ORC1: variants seen among roughly 807,000 people sequenced by gnomAD.
ORC1 encodes origin recognition complex, subunit 1 homolog.
Under a neutral mutation model 98.9 loss-of-function variants are expected in ORC1, and 61 were observed. That is an observed-to-expected ratio of 0.62 (90% confidence interval 0.50 to 0.76). The LOEUF (loss-of-function observed/expected upper bound fraction) is 0.76. Among genes scored for constraint, ORC1 ranks in the 30% least tolerant of loss-of-function variants. The pLI is 0.00. For synonymous variants in ORC1, 385 were observed against 406.9 expected, an observed-to-expected ratio of 0.95 and a Z score of 0.65; for missense variants, 979 against 1,072.2, an observed-to-expected ratio of 0.91 and a Z score of 1.21.
At position 52,393,705 on chromosome 1, in the gene ORC1, G is replaced by A. The variant is rs1180230657; in HGVS notation, c.820C>T (p.Pro274Ser). The A allele has an allele frequency of 2.5e-6, 4 of 1,613,924 alleles. No individual in the cohort carries two copies. Among genetic ancestry groups the A allele is most frequent in the African/African-American group, 2.7e-5 (2 of 74,890 alleles). The change falls in exon 6 of 17, where the codon CCT (proline) becomes TCT (serine). Residue 274 changes from proline to serine, a missense_variant. By Grantham distance (74) the Pro-to-Ser change is moderately conservative. Transcript: ENST00000371568. ...RKVAFSEITS[P>S]SKRSQPDKLQ... Reference sequence around the variant, plus strand: ...TTATCAGGCTGAGATCTCTTAGAAGGTGAGGTGATCTCCGAGAAGGCCACT... The same window carrying A: ...TTATCAGGCTGAGATCTCTTAGAAGATGAGGTGATCTCCGAGAAGGCCACT...
At chr1:52,387,979 G>T (rs925530824) in intron 8 of ORC1, among the ~76,000 whole-genome samples, 1 of 152,182 alleles carries the variant, frequency 6.6e-6, no homozygotes, top group African/African-American at 2.4e-5. Context: ...TCCACAGGAA[G>T]CAGAAAAGAT....
At chr1:52,379,238 G>C (rs559097802) in intron 14 of ORC1, among the ~76,000 whole-genome samples, 1 of 151,200 alleles carries the variant, frequency 6.6e-6, no homozygotes, top group East Asian at 2.0e-4. Flanking sequence ...GCTAAAGTAG[G>C]GTATTTTTTT....
At chr1:52,384,058 C>T in intron 11 of ORC1, 121 bp from the exon 12 acceptor site, 1 of 775,108 alleles carries the variant, frequency 1.3e-6, no homozygotes, top group Non-Finnish European at 2.3e-6. Flanking sequence ...TATATTCTGC[C>T]TCCCAATCTA....
intron 1 of ORC1, among the ~76,000 whole-genome samples, chr1:52,403,816 G>A (rs1047154345): frequency 6.6e-6 from 1 of 152,130 alleles, no homozygotes; most frequent in African/African-American, 2.4e-5. Context: ...CCTAAGACAC[G>A]TCCCTCCCTG....
At chr1:52,408,388 T>G (rs746099434), upstream of ORC1, 34 of 763,750 alleles carry the variant, frequency 4.5e-5, no homozygotes, top group Non-Finnish European at 7.1e-5. Flanking sequence ...GCATGGGAAC[T>G]TGAACTCAGG....
intron 3 of ORC1, among the ~76,000 whole-genome samples, chr1:52,399,732 C>CAGG: frequency 6.6e-6 from 1 of 151,828 alleles, no homozygotes; most frequent in South Asian, 2.1e-4. Context: ...TGCTTGAACC[C>CAGG]AGGAGGTTGA....
At chr1:52,379,568 T>C (rs1053236438) in intron 14 of ORC1, among the ~76,000 whole-genome samples, 1 of 151,920 alleles carries the variant, frequency 6.6e-6, no homozygotes, top group African/African-American at 2.4e-5. Context: ...TTGGTTGTGG[T>C]TGAAAGTTAA....
intron 6 of ORC1, among the ~76,000 whole-genome samples, chr1:52,390,155 C>A (rs867481372): frequency 2.0e-5 from 3 of 152,292 alleles, no homozygotes; most frequent in African/African-American, 4.8e-5. Flanking sequence ...CAATTCCCAT[C>A]AAAATACTAT....
intron 5 of ORC1, among the ~76,000 whole-genome samples, chr1:52,395,400 G>A (rs183301127): frequency 1.3e-5 from 2 of 152,286 alleles, no homozygotes; most frequent in Non-Finnish European, 2.9e-5. Flanking sequence ...CAGGGTTGGA[G>A]GACAAGGAAA....
At chr1:52,408,763 C>T (rs1253740721), upstream of ORC1, 7 of 1,543,918 alleles carry the variant, frequency 4.5e-6, no homozygotes, top group Non-Finnish European at 6.2e-6. Context: ...TCTACCTTTG[C>T]ATTGTCATAG....
Position 52,404,398 on chromosome 1 carries a change from A to T in ORC1, c.-158T>A, listed in dbSNP as rs1054376427. ...AAGCCAGGACCAAAGCGTGTGTCTC[A>T]CTAGAAATGAAAAGAAGGTGGAAGG... is the stretch of plus-strand genomic sequence containing the variant. On this transcript the variant is annotated 5_prime_UTR_variant, in exon 1 of 17. Coordinates refer to ENST00000371568, the MANE Select transcript of ORC1 (RefSeq NM_004153.4). 2.0e-5 allele frequency: 4 copies of T among 198,572 alleles called. No individual in the cohort carries two copies. 12.3% of individuals were successfully genotyped at this position (198,572 alleles called of 1,614,324 possible).
At chr1:52,376,793 C>T (rs1368482358) in intron 14 of ORC1, among the ~76,000 whole-genome samples, 1 of 152,056 alleles carries the variant, frequency 6.6e-6, no homozygotes, top group African/African-American at 2.4e-5. Context: ...CTTGGCAACC[C>T]TATGCATCCC....
chr1:52,408,771 T>C (rs1569975382), upstream of ORC1: 2 of 1,505,468 alleles, frequency 1.3e-6, no homozygotes, highest in Non-Finnish European at 1.8e-6. Flanking sequence ...TGCATTGTCA[T>C]AGACAGTGTG....
rs1647173621 is a variant in ORC1 at position 52,388,553 on chromosome 1, T to C, written c.1272A>G (p.Glu424=). 1.2e-6 allele frequency: 2 copies of C among 1,614,126 alleles called. No homozygotes were observed. The highest frequency in any genetic ancestry group is 2.2e-5 in the East Asian group (1 of 44,878). Residue 424 remains glutamate, a synonymous_variant, in exon 8 of 17, where the codon GAA becomes GAG. Coordinates refer to ENST00000371568, the MANE Select transcript of ORC1 (RefSeq NM_004153.4). The stretch of plus-strand genomic sequence containing the variant: ...TTGGAAGGGGCGGTGTGGAAGCCTC[T>C]TCTTCGTCACTGCTAGAGTCTGAAA... ...AEISDSSSDE[E]EASTPPLPRR...
intron 6 of ORC1, among the ~76,000 whole-genome samples, chr1:52,391,633 T>G (rs2147934704): frequency 6.6e-6 from 1 of 152,232 alleles, no homozygotes; most frequent in Non-Finnish European, 1.5e-5. Context: ...GTGCGGTGGC[T>G]CACGCCTATA....
At chr1:52,373,548 T>C (rs1646960959) in intron 16 of ORC1, among the ~76,000 whole-genome samples, 173 bp from the exon 17 acceptor site, 1 of 152,180 alleles carries the variant, frequency 6.6e-6, no homozygotes, top group Non-Finnish European at 1.5e-5. Flanking sequence ...CAGAATGGAA[T>C]GCTAGCCTTG....
intron 6 of ORC1, among the ~76,000 whole-genome samples, chr1:52,391,775 A>G (rs1647216617): frequency 6.6e-6 from 1 of 151,206 alleles, no homozygotes; most frequent in Non-Finnish European, 1.5e-5. Flanking sequence ...GTGAGTGCCT[A>G]TAGTCCCAGC....
At chr1:52,397,059 G>T (rs915494205) in intron 4 of ORC1, among the ~76,000 whole-genome samples, 5 of 152,058 alleles carry the variant, frequency 3.3e-5, no homozygotes, top group Admixed American at 2.6e-4. Context: ...CACTCCTTTA[G>T]CTTTCTCTCC....
chr1:52,392,559 T>TTG (rs1647240780), intron 6 of ORC1, among the ~76,000 whole-genome samples: 1 of 152,128 alleles, frequency 6.6e-6, no homozygotes, highest in Non-Finnish European at 1.5e-5. Context: ...CTCCTGGGTA[T>TTG]CTACCCAAAG....
Sources: gnomAD v4.1 joint callset for allele counts (sites outside exome capture counted in the v4.1 genomes callset) on GRCh38, gnomAD v4.1.1 for gene constraint, MANE v1.5 for transcripts, NCBI Gene and HGNC (gene_info 2026-07-23, HGNC 2026-07-21) for gene names.